The following PARD3B variants were observed in gnomAD, a reference collection of about 807,000 sequenced individuals.
PARD3B encodes partitioning defective 3 homolog B.
A neutral mutation model predicts 130.2 loss-of-function variants in PARD3B; 103 were observed. That is an observed-to-expected ratio of 0.79 (90% CI 0.67 to 0.93). The LOEUF (loss-of-function observed/expected upper bound fraction) is 0.93, where lower values mean the gene tolerates loss of function less well. Among genes scored for constraint, PARD3B ranks in the 40% least tolerant of loss-of-function variants. PARD3B has a pLI of 0.00. For missense variants in PARD3B, 1,609 were observed against 1,499.2 expected (o/e 1.07, Z -1.21); for synonymous variants, 583 against 553.2 (o/e 1.05, Z -0.76).
chr2:205,130,393 G>T (rs954701790), intron 10 of PARD3B, among the ~76,000 whole-genome samples: 2 of 152,128 alleles, frequency 1.3e-5, no homozygotes, highest in African/African-American at 4.8e-5. Flanking sequence ...TCTTTCTTAT[G>T]CTAAATGTCA....
intron 21 of PARD3B, among the ~76,000 whole-genome samples, chr2:205,533,190 T>A (rs1311756355): frequency 6.8e-6 from 1 of 147,488 alleles, no homozygotes; most frequent in Non-Finnish European, 1.5e-5. Context: ...TGTGGATGTT[T>A]TGAATTTATA....
chr2:204,690,036 A>G (rs2037281014), intron 2 of PARD3B, among the ~76,000 whole-genome samples: 1 of 152,172 alleles, frequency 6.6e-6, no homozygotes, highest in African/African-American at 2.4e-5. Context: ...TATGCCATAC[A>G]TATTTAATAT....
chr2:205,466,871 C>A (rs1479671876), intron 20 of PARD3B, among the ~76,000 whole-genome samples: 3 of 152,198 alleles, frequency 2.0e-5, no homozygotes, highest in Non-Finnish European at 4.4e-5. Flanking sequence ...CACCACCACA[C>A]CTGGCTAATT....
At chr2:204,914,603 G>C (rs2047372254) in intron 2 of PARD3B, among the ~76,000 whole-genome samples, 1 of 152,168 alleles carries the variant, frequency 6.6e-6, no homozygotes, top group Admixed American at 6.5e-5. Context: ...GGTGAGTGAT[G>C]TATCATGTAG....
Position 204,684,996 on chromosome 2 carries a change from C to A in PARD3B, c.121-1185C>A, listed in dbSNP as rs916907566. On this transcript the variant is annotated intron_variant, in intron 1 of 22. Transcript: ENST00000406610. The stretch of plus-strand genomic sequence containing the variant: ...GTACTTGGGTCACATTTTAGTAGCT[C>A]TCCAAATAGATGCCTTAAAAAAGTA... 2.1e-4 allele frequency among the ~76,000 whole-genome samples: 32 copies of A among 152,096 alleles called. 2 individuals are homozygous for A.
chr2:205,440,224 G>A lies in PARD3B; in HGVS notation c.2742-146G>A, dbSNP rs2047664006. 5.3e-6 allele frequency: 4 copies of A among 750,502 alleles called. No individual in the cohort carries two copies. The South Asian group carries it at 7.6e-5, about 14-fold the overall frequency. 46.5% of individuals were successfully genotyped at this position (750,502 alleles called of 1,614,324 possible). A position where few individuals can be genotyped will look rare whatever the true frequency, so the allele number is the denominator to read the frequency against. On this transcript the variant is annotated intron_variant, in intron 19 of 22. Transcript: ENST00000406610. This position sits in a 1 kb window ranked among gnomAD's most constrained non-coding sequence, Gnocchi z 4.2. ...ATAAAATTAATCTTCTTATGCTGTT[G>A]GCATTTCTGCATGCTGTGATCTTGA...
intron 15 of PARD3B, among the ~76,000 whole-genome samples, chr2:205,200,353 T>G (rs927824085): frequency 2.6e-5 from 4 of 152,180 alleles, no homozygotes; most frequent in Non-Finnish European, 5.9e-5. Flanking sequence ...ATTTGTATAC[T>G]TCCCTGTCTG....
chr2:205,381,964 A>G (rs1476911037), intron 18 of PARD3B, among the ~76,000 whole-genome samples: 1 of 152,072 alleles, frequency 6.6e-6, no homozygotes, highest in Non-Finnish European at 1.5e-5. Flanking sequence ...GACTACCAGA[A>G]ATTTGCAAAG....
At chr2:205,389,056 A>G (rs1028101949) in intron 18 of PARD3B, among the ~76,000 whole-genome samples, 2 of 152,206 alleles carry the variant, frequency 1.3e-5, no homozygotes, top group African/African-American at 4.8e-5. Context: ...CAAATTTCAT[A>G]GAAACTTGTG....
In PARD3B at chr2:205,287,501, C is replaced by T. The variant is rs145516087; in HGVS notation, c.2186-13029C>T. Among the ~76,000 whole-genome samples, 1 of 152,280 alleles carries T rather than the reference C, an allele frequency of 6.6e-6. No individual in the cohort carries two copies. Among genetic ancestry groups the T allele is most frequent in the African/African-American group, 2.4e-5 (1 of 41,570 alleles). On this transcript the variant is annotated intron_variant, in intron 16 of 22. Transcript: ENST00000406610. The surrounding 1 kb of genome is among the most constrained non-coding windows in gnomAD (Gnocchi z 4.8). ...TAACCCCAGTAACAAAGACTGCTCA[C>T]TCTACCAGGCTTAGTTCTAGTTAGC...
Position 204,776,109 on chromosome 2 carries a change from A to G in PARD3B, c.222+89827A>G, listed in dbSNP as rs950044212. ...ATATGTGGTCTGATAATCTCCTGAC[A>G]TACAGTTTTCTTCTTATTTGACCTT... On this transcript the variant is annotated intron_variant, in intron 2 of 22. Coordinates refer to ENST00000406610, the MANE Select transcript of PARD3B (RefSeq NM_001302769.2). Among the ~76,000 whole-genome samples the G allele has an allele frequency of 1.7e-4, 26 of 152,350 alleles. 1 individual carries two copies. Among genetic ancestry groups the G allele is most frequent in the Non-Finnish European group, 1.6e-4 (11 of 68,040 alleles).
chr2:204,579,635 T>C (rs982860433), intron 1 of PARD3B, among the ~76,000 whole-genome samples: 1 of 152,186 alleles, frequency 6.6e-6, no homozygotes, highest in Non-Finnish European at 1.5e-5. Flanking sequence ...AGTAAACAAA[T>C]GGTAATTATG....
chr2:205,187,883 A>T lies in PARD3B; in HGVS notation c.2024+2020A>T, dbSNP rs900094497. Among the ~76,000 whole-genome samples, 1 of 152,214 alleles carries T rather than the reference A, an allele frequency of 6.6e-6. No homozygotes were observed. Among genetic ancestry groups the T allele is most frequent in the African/African-American group, 2.4e-5 (1 of 41,462 alleles). On this transcript the variant is annotated intron_variant, in intron 14 of 22. Transcript: ENST00000406610. The surrounding 1 kb of genome is among the most constrained non-coding windows in gnomAD (Gnocchi z 4.9). ...CGGTAATCTCCTTTCAGTCAAAAGT[A>T]TGACGTTGTCTTAGACTTCATTCTT...
intron 20 of PARD3B, among the ~76,000 whole-genome samples, chr2:205,476,881 C>T (rs896421956): frequency 2.4e-4 from 36 of 152,114 alleles, no homozygotes; most frequent in African/African-American, 8.7e-4. Context: ...TGTATATTTA[C>T]AGCATTGACA....
At position 205,276,005 on chromosome 2, in the gene PARD3B, T is replaced by C. The variant is rs1295744730; in HGVS notation, c.2186-24525T>C. ...TTGCATTAATGGAAAGCAGACACAG[T>C]AATCTCAGGTGTGTTCATATTATCA... On this transcript the variant is annotated intron_variant, in intron 16 of 22. Coordinates refer to ENST00000406610, the MANE Select transcript of PARD3B (RefSeq NM_001302769.2). The surrounding 1 kb of genome is among the most constrained non-coding windows in gnomAD (Gnocchi z 5.0). Among the ~76,000 whole-genome samples, 1 of 152,186 alleles carries C rather than the reference T, an allele frequency of 6.6e-6. No homozygotes were observed. The highest frequency in any genetic ancestry group is 1.5e-5 in the Non-Finnish European group (1 of 68,038).
chr2:205,037,730 A>C (rs922764272), intron 3 of PARD3B, among the ~76,000 whole-genome samples: 1 of 151,656 alleles, frequency 6.6e-6, no homozygotes, highest in Non-Finnish European at 1.5e-5. Flanking sequence ...CTGGAATTCC[A>C]AAAATACTCT....
chr2:204,892,073 A>T (rs1050483828), intron 2 of PARD3B, among the ~76,000 whole-genome samples: 1 of 152,184 alleles, frequency 6.6e-6, no homozygotes, highest in African/African-American at 2.4e-5. Flanking sequence ...AACACAGGTA[A>T]TGATAAGTAG....
chr2:205,612,347 C>T (rs1352562201), intron 22 of PARD3B, among the ~76,000 whole-genome samples: 1 of 152,154 alleles, frequency 6.6e-6, no homozygotes, highest in Non-Finnish European at 1.5e-5. Context: ...GACAGGGTTT[C>T]ACCAGGCTGG....
At position 205,321,163 on chromosome 2, in the gene PARD3B, T is replaced by C. The variant is rs1187224442; in HGVS notation, c.2630+19462T>C. On this transcript the variant is annotated intron_variant, in intron 18 of 22. Coordinates refer to ENST00000406610, the MANE Select transcript of PARD3B (RefSeq NM_001302769.2). The surrounding 1 kb of genome is among the most constrained non-coding windows in gnomAD (Gnocchi z 4.2). ...GAGATGATAGTTTTTGTAATATATG[T>C]TGCCAATAGACCAGCCACATTAAAC... 6.6e-6 allele frequency among the ~76,000 whole-genome samples: 1 copy of C among 152,236 alleles called. No individual in the cohort carries two copies. The highest frequency in any genetic ancestry group is 1.5e-5 in the Non-Finnish European group (1 of 68,040).
Sources: gnomAD v4.1 joint callset for allele counts (sites outside exome capture counted in the v4.1 genomes callset) on GRCh38, gnomAD v4.1.1 for gene constraint, Gnocchi (gnomAD v3.1) non-coding constraint, MANE v1.5 for transcripts, NCBI Gene and HGNC (gene_info 2026-07-23, HGNC 2026-07-21) for gene names.